PIEZO2: variants seen among roughly 807,000 people sequenced by gnomAD.
The protein encoded by PIEZO2 is piezo-type mechanosensitive ion channel component 2.
PIEZO2 carries 172 observed loss-of-function variants against 337.3 expected under a neutral mutation model. The observed-to-expected ratio is 0.51, with a 90% CI of 0.45 to 0.58. PIEZO2 has a LOEUF of 0.58. Ranked by LOEUF, PIEZO2 falls within the 20% of genes least tolerant of loss-of-function variation. The pLI is 0.00. For missense variants in PIEZO2, 3,028 were observed against 3,391.3 expected (o/e 0.89, Z 2.66); for synonymous variants, 1,251 against 1,228.5 (o/e 1.02, Z -0.38).
rs935092496 is a variant in PIEZO2 at position 10,857,019 on chromosome 18, T to C, written c.685A>G (p.Ile229Val). Residue 229 changes from isoleucine to valine, a missense_variant, in exon 6 of 56, where the codon ATC (isoleucine) becomes GTC (valine). By Grantham distance (29) the Ile-to-Val change is conservative (BLOSUM62 3). Coordinates refer to ENST00000674853, the MANE Select transcript of PIEZO2 (RefSeq NM_001378183.1). The part of the protein sequence containing the change: ...ITTAGKVVVT[I>V]LLGSSGMMLP... ...CACTCACCCGAGGAGCCCAGTAAGA[T>C]GGTAACAACGACTTTCCCAGCAGTG... 5 of 1,537,190 alleles carry C rather than the reference T, an allele frequency of 3.3e-6. No individual in the cohort carries two copies. The African/African-American group carries it at 4.1e-5, about 13-fold the overall frequency.
rs962092159 is a variant in PIEZO2, at chr18:10,840,993, T to C, written c.917+14360A>G. On this transcript the variant is annotated intron_variant, in intron 7 of 55. Transcript: ENST00000674853. ...CAGTTCCTGATAAAGGAAAGGTTCC[T>C]CAATGTGTTTGCCAGCATCGTGATC... 2.6e-5 allele frequency among the ~76,000 whole-genome samples: 4 copies of C among 152,206 alleles called. No homozygotes were observed. The South Asian group carries it at 8.3e-4, about 31-fold the overall frequency.
chr18:11,100,832 T>G (rs1278800917), intron 1 of PIEZO2, among the ~76,000 whole-genome samples: 1 of 152,178 alleles, frequency 6.6e-6, no homozygotes, highest in Non-Finnish European at 1.5e-5. Context: ...CCTGACCTCG[T>G]GATCCGCCCA....
rs1301596756 is a variant in PIEZO2, at chr18:10,766,275, G to A, written c.2947-3177C>T. On this transcript the variant is annotated intron_variant, in intron 21 of 55. Coordinates refer to ENST00000674853, the MANE Select transcript of PIEZO2 (RefSeq NM_001378183.1). The surrounding 1 kb of genome is among the most constrained non-coding windows in gnomAD (Gnocchi z 6.1). ...AGGAAGAAGAAGAGGAAGGAGAAAA[G>A]GGGAGAGAGAAGGGGAAGCAGAAAG... is the stretch of plus-strand genomic sequence containing the variant. Among the ~76,000 whole-genome samples, 1 of 151,282 alleles carries A rather than the reference G, an allele frequency of 6.6e-6. No homozygotes were observed. Among genetic ancestry groups the A allele is most frequent in the Non-Finnish European group, 1.5e-5 (1 of 67,834 alleles).
intron 36 of PIEZO2, chr18:10,725,419 C>A (rs2036494475): frequency 1.2e-6 from 2 of 1,603,130 alleles, no homozygotes; most frequent in East Asian, 2.2e-5. Context: ...CTGACCAGAG[C>A]CCGCCAGTAC....
At chr18:10,805,957 T>C (rs879452456) in intron 8 of PIEZO2, among the ~76,000 whole-genome samples, 6 of 152,348 alleles carry the variant, frequency 3.9e-5, no homozygotes, top group Non-Finnish European at 8.8e-5. Flanking sequence ...CCTGTTTGCT[T>C]CTCTTGGACC....
intron 36 of PIEZO2, among the ~76,000 whole-genome samples, chr18:10,723,684 T>C (rs1280816139): frequency 6.6e-6 from 1 of 152,026 alleles, no homozygotes; most frequent in South Asian, 2.1e-4. Flanking sequence ...CCAGGCAGTC[T>C]CTGGGGGGAG....
chr18:10,780,393 G>T (rs553234161), intron 17 of PIEZO2, 27 bp from the exon 18 acceptor site: 10 of 702,894 alleles, frequency 1.4e-5, no homozygotes, highest in African/African-American at 7.0e-5. Context: ...GGAAGCACAG[G>T]GATGCAATGA....
chr18:10,849,499 G>C (rs183764042), intron 7 of PIEZO2, among the ~76,000 whole-genome samples: 2 of 152,304 alleles, frequency 1.3e-5, no homozygotes, highest in Admixed American at 6.5e-5. Flanking sequence ...AACAGGAATT[G>C]AGTCCTCCCG....
Position 10,969,619 on chromosome 18 carries a change from C to T in PIEZO2, c.286+9916G>A, listed in dbSNP as rs2034153691. On this transcript the variant is annotated intron_variant, in intron 3 of 55. Coordinates refer to ENST00000674853, the MANE Select transcript of PIEZO2 (RefSeq NM_001378183.1). The surrounding 1 kb of genome is among the most constrained non-coding windows in gnomAD (Gnocchi z 4.5). ...TGCGAAGGAAATAAATACCAAGTAA[C>T]TTAATTGATAAATAGTTTCTAAAGA... Among the ~76,000 whole-genome samples, 1 of 151,942 alleles carries T rather than the reference C, an allele frequency of 6.6e-6. No individual in the cohort carries two copies. The highest frequency in any genetic ancestry group is 2.1e-4 in the South Asian group (1 of 4,822).
At chr18:11,024,663 G>T in intron 2 of PIEZO2, among the ~76,000 whole-genome samples, 1 of 151,682 alleles carries the variant, frequency 6.6e-6, no homozygotes, top group South Asian at 2.1e-4. Flanking sequence ...TTTTTGAGAC[G>T]GAGTTTCACT....
chr18:11,033,403 G>T lies in PIEZO2; in HGVS notation c.160+32724C>A, dbSNP rs1366267792. Among the ~76,000 whole-genome samples, 1 of 152,190 alleles carries T rather than the reference G, an allele frequency of 6.6e-6. No homozygotes were observed. Among genetic ancestry groups the T allele is most frequent in the Non-Finnish European group, 1.5e-5 (1 of 68,048 alleles). ...CCCACCTAAGGCAGACACGCCCCTG[G>T]ATTTGTGTGAACATTCTATCTGTCA... On this transcript the variant is annotated intron_variant, in intron 2 of 55. Coordinates refer to ENST00000674853, the MANE Select transcript of PIEZO2 (RefSeq NM_001378183.1). This position sits in a 1 kb window ranked among gnomAD's most constrained non-coding sequence, Gnocchi z 4.2.
chr18:11,148,430 C>A lies in PIEZO2; in HGVS notation c.64+95G>T. The A allele has an allele frequency of 7.2e-7, 1 of 1,389,574 alleles. No homozygotes were observed. The highest frequency in any genetic ancestry group is 9.8e-7 in the Non-Finnish European group (1 of 1,017,024). The allele number at this position is 1,389,574 out of a possible 1,614,324, so 86.1% of individuals were successfully genotyped here. A position where few individuals can be genotyped will look rare whatever the true frequency, so the allele number is the denominator to read the frequency against. On this transcript the variant is annotated intron_variant, in intron 1 of 55. Coordinates refer to ENST00000674853, the MANE Select transcript of PIEZO2 (RefSeq NM_001378183.1). The surrounding 1 kb of genome is among the most constrained non-coding windows in gnomAD (Gnocchi z 5.2). ...GCCGCTGGCCTCCCGAATCGAACCCCAGAGCACCAGAGCCCTTCACTTTGT... is the reference window on the plus strand; with the variant it reads ...GCCGCTGGCCTCCCGAATCGAACCCAAGAGCACCAGAGCCCTTCACTTTGT...
intron 2 of PIEZO2, among the ~76,000 whole-genome samples, chr18:10,989,893 C>T (rs551393368): frequency 1.3e-5 from 2 of 152,218 alleles, no homozygotes; most frequent in African/African-American, 4.8e-5. Flanking sequence ...TTTCTGGAAG[C>T]CATTACTTAA....
intron 3 of PIEZO2, among the ~76,000 whole-genome samples, chr18:10,914,509 T>A (rs2030771766): frequency 6.6e-6 from 1 of 152,186 alleles, no homozygotes; most frequent in South Asian, 2.1e-4. Context: ...TACCTAGTAA[T>A]AGATATAAAT....
At chr18:10,924,362 T>C (rs1381741270) in intron 3 of PIEZO2, among the ~76,000 whole-genome samples, 1 of 152,238 alleles carries the variant, frequency 6.6e-6, no homozygotes, top group African/African-American at 2.4e-5. Context: ...AGAATGTGTA[T>C]TAAGGTCAAA....
chr18:10,773,919 A>C lies in PIEZO2; in HGVS notation c.2567+87T>G, dbSNP rs1254977065. On this transcript the variant is annotated intron_variant, in intron 19 of 55. Coordinates refer to ENST00000674853, the MANE Select transcript of PIEZO2 (RefSeq NM_001378183.1). This position sits in a 1 kb window ranked among gnomAD's most constrained non-coding sequence, Gnocchi z 5.3. ...CACCTAAACTTGACATTTTTCCCAG[A>C]GGAGAAAATGGTCAGAGTTTAGGGT... 1 of 673,580 alleles carries C rather than the reference A, an allele frequency of 1.5e-6. No individual in the cohort carries two copies. Among genetic ancestry groups the C allele is most frequent in the Admixed American group, 2.3e-5 (1 of 43,160 alleles). 41.7% of individuals were successfully genotyped at this position (673,580 alleles called of 1,614,324 possible). A position where few individuals can be genotyped will look rare whatever the true frequency, so the allele number is the denominator to read the frequency against.
intron 2 of PIEZO2, among the ~76,000 whole-genome samples, chr18:11,005,235 A>G (rs1354973581): frequency 1.3e-5 from 2 of 152,226 alleles, no homozygotes; most frequent in African/African-American, 2.4e-5. Flanking sequence ...TCTTCCAGCA[A>G]TTACCTAGAG....
intron 3 of PIEZO2, among the ~76,000 whole-genome samples, chr18:10,931,784 T>C (rs2032105155): frequency 1.3e-5 from 2 of 152,064 alleles, no homozygotes; most frequent in Admixed American, 1.3e-4. Context: ...TAATTTCTTG[T>C]AATAAAATTA....
In PIEZO2 at chr18:10,731,388, C is replaced by G; in HGVS notation, c.5029+19G>C. 6.6e-7 allele frequency: 1 copy of G among 1,512,624 alleles called. No homozygotes were observed. The highest frequency in any genetic ancestry group is 8.9e-7 in the Non-Finnish European group (1 of 1,128,052). 93.7% of individuals were successfully genotyped at this position (1,512,624 alleles called of 1,614,324 possible). A position where few individuals can be genotyped will look rare whatever the true frequency, so the allele number is the denominator to read the frequency against. On this transcript the variant is annotated intron_variant, in intron 36 of 55. Transcript: ENST00000674853. ...TGAAACCTGCCACACCCACCACAGC[C>G]ACCCCACCCACCACTCACCCTCCTT...
Sources: gnomAD v4.1 joint callset for allele counts (sites outside exome capture counted in the v4.1 genomes callset) on GRCh38, gnomAD v4.1.1 for gene constraint, Gnocchi (gnomAD v3.1) non-coding constraint, MANE v1.5 for transcripts, NCBI Gene and HGNC (gene_info 2026-07-23, HGNC 2026-07-21) for gene names.